Variants in ZNF438 observed in about 807,000 individuals in gnomAD.
ZNF438 encodes the protein zinc finger protein 438.
A neutral mutation model predicts 38.0 loss-of-function variants in ZNF438; 25 were observed. The observed-to-expected ratio is 0.66, with a 90% confidence interval of 0.48 to 0.92. The LOEUF is 0.92. ZNF438 is among the 40% of genes least tolerant of loss of function. The pLI is 0.00. For synonymous variants in ZNF438, 372 were observed against 364.1 expected, an observed-to-expected ratio of 1.02 and a Z score of -0.25; for missense variants, 1,007 against 999.6, an observed-to-expected ratio of 1.01 and a Z score of -0.10.
intron 1 of ZNF438, among the ~76,000 whole-genome samples, chr10:30,988,139 A>T (rs1267312339): frequency 1.3e-5 from 2 of 152,114 alleles, no homozygotes; most frequent in African/African-American, 4.8e-5. Flanking sequence ...GTTTTTTTTA[A>T]TAGTAGCTTT....
chr10:30,970,319 C>T (rs1494119), intron 1 of ZNF438, among the ~76,000 whole-genome samples: 1 of 151,992 alleles, frequency 6.6e-6, no homozygotes, highest in Non-Finnish European at 1.5e-5. Context: ...ACTGTAGAAG[C>T]TTTTGACAAC....
At chr10:30,888,811 T>C (rs1223138219) in intron 3 of ZNF438, among the ~76,000 whole-genome samples, 1 of 152,236 alleles carries the variant, frequency 6.6e-6, no homozygotes, top group Non-Finnish European at 1.5e-5. Context: ...TCTTTGCTAT[T>C]GTGAATAGTG....
intron 2 of ZNF438, among the ~76,000 whole-genome samples, chr10:30,924,346 A>G (rs764192461): frequency 1.3e-5 from 2 of 152,234 alleles, no homozygotes; most frequent in Non-Finnish European, 2.9e-5. Flanking sequence ...CTAGGGGCTT[A>G]CATACCAGGG....
intron 4 of ZNF438, among the ~76,000 whole-genome samples, chr10:30,860,968 G>A (rs145845549): frequency 1.3e-4 from 20 of 152,210 alleles, no homozygotes; most frequent in Admixed American, 7.2e-4. Context: ...GTATTTTGCC[G>A]AATAAATTAT....
chr10:30,913,959 C>CA (rs1288602075), intron 2 of ZNF438, among the ~76,000 whole-genome samples: 2 of 152,024 alleles, frequency 1.3e-5, no homozygotes, highest in Non-Finnish European at 2.9e-5. Flanking sequence ...ACTAAAATGA[C>CA]AAAAAATATG....
intron 1 of ZNF438, among the ~76,000 whole-genome samples, chr10:30,953,958 A>G (rs2048563630): frequency 6.6e-6 from 1 of 152,148 alleles, no homozygotes; most frequent in East Asian, 1.9e-4. Flanking sequence ...CCTGGCCAAC[A>G]TGGTGTAATC....
At chr10:30,948,964 T>G (rs914433176) in intron 1 of ZNF438, among the ~76,000 whole-genome samples, 1 of 152,030 alleles carries the variant, frequency 6.6e-6, no homozygotes, top group Non-Finnish European at 1.5e-5. Context: ...TCACCAGAGT[T>G]GAAATGAAGG....
At chr10:30,929,251 C>G (rs2045331776) in intron 2 of ZNF438, among the ~76,000 whole-genome samples, 1 of 152,188 alleles carries the variant, frequency 6.6e-6, no homozygotes, top group Non-Finnish European at 1.5e-5. Context: ...GCCATGGACC[C>G]TCGCAGTGAG....
chr10:30,857,592 GA>G, intron 4 of ZNF438: 1 of 1,093,300 alleles, frequency 9.1e-7, no homozygotes, highest in Non-Finnish European at 1.3e-6. Flanking sequence ...CTAACTTTCT[GA>G]AAGCCCACTT....
At chr10:31,004,704 A>G (rs2054960996) in intron 1 of ZNF438, among the ~76,000 whole-genome samples, 3 of 152,214 alleles carry the variant, frequency 2.0e-5, no homozygotes, top group Admixed American at 2.0e-4. Context: ...AAGAGGTACA[A>G]AGGAATTGAA....
At chr10:30,978,857 C>T (rs865889158) in intron 1 of ZNF438, among the ~76,000 whole-genome samples, 1 of 152,180 alleles carries the variant, frequency 6.6e-6, no homozygotes. Flanking sequence ...TGCATTAGCC[C>T]CTAGCAAGAG....
chr10:30,887,886 T>C (rs1589016880), intron 3 of ZNF438, among the ~76,000 whole-genome samples: 1 of 152,208 alleles, frequency 6.6e-6, no homozygotes, highest in African/African-American at 2.4e-5. Context: ...CACTATAAAT[T>C]AGTTTTGCTT....
At chr10:30,900,317 A>G (rs2134233470) in intron 3 of ZNF438, among the ~76,000 whole-genome samples, 1 of 152,272 alleles carries the variant, frequency 6.6e-6, no homozygotes, top group Admixed American at 6.5e-5. Context: ...TCCCTACTCT[A>G]AACCAGTGAC....
intron 1 of ZNF438, among the ~76,000 whole-genome samples, chr10:31,015,947 A>C (rs556242367): frequency 2.6e-5 from 4 of 152,264 alleles, no homozygotes; most frequent in African/African-American, 9.6e-5. Flanking sequence ...CATTCTTATG[A>C]CCTTACTTAA....
In ZNF438 at chr10:30,845,119, T is replaced by TAA; in HGVS notation, c.2327_2328dup (p.Asn777LeufsTer36). 6.2e-7 allele frequency: 1 copy of TAA among 1,614,148 alleles called. No homozygotes were observed. The highest frequency in any genetic ancestry group is 8.5e-7 in the Non-Finnish European group (1 of 1,180,006). ...AGCATCTCTGCACAAAGCAGGCAGTTAAAGCCTGAATGGGACCACAAGAGA... is the reference window on the plus strand; with the variant it reads ...AGCATCTCTGCACAAAGCAGGCAGTTAAAAAGCCTGAATGGGACCACAAGAGA... On this transcript the variant is annotated frameshift_variant, in exon 6 of 6. Coordinates refer to ENST00000413025, the Ensembl canonical transcript of ZNF438. LOFTEE classifies it low-confidence loss of function (END_TRUNC).
At position 30,860,627 on chromosome 10, in the gene ZNF438, G is replaced by T. The variant is rs116151429; in HGVS notation, c.38-10260C>A. On this transcript the variant is annotated intron_variant, in intron 4 of 5. Transcript: ENST00000413025. ...CATCTAATCCAATCCGTCTTGCCAGGCTCTTTGATTCCCTGTCCAGAACCC... is the reference window on the plus strand; with the variant it reads ...CATCTAATCCAATCCGTCTTGCCAGTCTCTTTGATTCCCTGTCCAGAACCC... Among the ~76,000 whole-genome samples, 943 of 152,218 alleles carry T rather than the reference G, an allele frequency of 6.2e-3. 20 individuals carry two copies. The highest frequency in any genetic ancestry group is 0.021 in the African/African-American group (883 of 41,516).
At chr10:30,966,396 C>T (rs927211217) in intron 1 of ZNF438, among the ~76,000 whole-genome samples, 1 of 151,864 alleles carries the variant, frequency 6.6e-6, no homozygotes, top group Non-Finnish European at 1.5e-5. Flanking sequence ...AGGGGCCGGG[C>T]GTGGTGGCTC....
At position 30,953,308 on chromosome 10, in the gene ZNF438, C is replaced by T. The variant is rs1451023806; in HGVS notation, c.-191-11657G>A. Among the ~76,000 whole-genome samples, 643 of 151,818 alleles carry T rather than the reference C, an allele frequency of 4.2e-3. 7 individuals carry two copies. Among genetic ancestry groups the T allele is most frequent in the African/African-American group, 0.014 (589 of 41,362 alleles). On this transcript the variant is annotated intron_variant, in intron 1 of 5. Transcript: ENST00000413025. ...GGGAGATATACCTAATGCTAGATGACGAGTTAGTGGGTGCAGCGCACCAGC... is the reference window on the plus strand; with the variant it reads ...GGGAGATATACCTAATGCTAGATGATGAGTTAGTGGGTGCAGCGCACCAGC...
intron 2 of ZNF438, among the ~76,000 whole-genome samples, chr10:30,940,304 A>C (rs2046680579): frequency 6.6e-6 from 1 of 152,210 alleles, no homozygotes; most frequent in Non-Finnish European, 1.5e-5. Flanking sequence ...CATAAACACA[A>C]ACAATAAAGC....
Sources: allele counts gnomAD v4.1 joint callset (sites outside exome capture counted in the v4.1 genomes callset), GRCh38; gene constraint gnomAD v4.1.1; transcripts MANE v1.5; gene names NCBI Gene and HGNC (gene_info 2026-07-23, HGNC 2026-07-21).